Variants in QKI observed in about 807,000 individuals in gnomAD.
The protein encoded by QKI is QKI, KH domain containing RNA binding.
Under a neutral mutation model 39.0 loss-of-function variants are expected in QKI, and 10 were observed. That is an observed-to-expected ratio of 0.26 (90% confidence interval 0.16 to 0.43). QKI has a LOEUF of 0.43. Ranked by LOEUF, QKI falls within the 20% of genes least tolerant of loss-of-function variation. QKI has a pLI of 1.00. For synonymous variants in QKI, 204 were observed against 155.4 expected, an observed-to-expected ratio of 1.31 and a Z score of -2.33; for missense variants, 218 against 428.0, an observed-to-expected ratio of 0.51 and a Z score of 4.33.
intron 2 of QKI, among the ~76,000 whole-genome samples, chr6:163,474,484 A>C (rs1249529990): frequency 6.6e-6 from 1 of 152,172 alleles, no homozygotes; most frequent in African/African-American, 2.4e-5. Context: ...ATAGAAAAAA[A>C]CCCAATTATA....
At chr6:163,547,717 C>T (rs1377110977) in intron 4 of QKI, among the ~76,000 whole-genome samples, 1 of 152,158 alleles carries the variant, frequency 6.6e-6, no homozygotes, top group Non-Finnish European at 1.5e-5. Context: ...CTGGCTCCTT[C>T]CCATCTATAT....
chr6:163,543,047 GC>G (rs1193148833), intron 4 of QKI, among the ~76,000 whole-genome samples: 2 of 152,010 alleles, frequency 1.3e-5, no homozygotes, highest in African/African-American at 2.4e-5. Context: ...TCTGCCATAT[GC>G]ATTTGACTCA....
At chr6:163,465,346 C>A (rs944469695) in intron 2 of QKI, among the ~76,000 whole-genome samples, 1 of 152,016 alleles carries the variant, frequency 6.6e-6, no homozygotes, top group Admixed American at 6.6e-5. Flanking sequence ...GAAATAAAGG[C>A]AGCCAGGAGT....
chr6:163,552,100 C>G (rs116764095), intron 4 of QKI, among the ~76,000 whole-genome samples: 1 of 147,272 alleles, frequency 6.8e-6, no homozygotes, highest in Admixed American at 6.8e-5. Context: ...TGTATTCTTA[C>G]AATAAAATAA....
chr6:163,458,682 G>T lies in QKI; in HGVS notation c.285+3261G>T, dbSNP rs545309590. On this transcript the variant is annotated intron_variant, in intron 2 of 7. Transcript: ENST00000361752. ...CTCAAGGTCTGAGAAATGAAGTAGTGCTATAGTCTGTAGCCCTTTGCAACG... is the reference window on the plus strand; with the variant it reads ...CTCAAGGTCTGAGAAATGAAGTAGTTCTATAGTCTGTAGCCCTTTGCAACG... 2.7e-3 allele frequency among the ~76,000 whole-genome samples: 407 copies of T among 152,206 alleles called. 3 individuals are homozygous for T. The highest frequency in any genetic ancestry group is 9.4e-3 in the African/African-American group (389 of 41,534).
intron 2 of QKI, among the ~76,000 whole-genome samples, chr6:163,460,736 T>G (rs1791289540): frequency 6.6e-6 from 1 of 152,166 alleles, no homozygotes; most frequent in Admixed American, 6.5e-5. Context: ...ATCACGAACT[T>G]CAGGAGTCTT....
chr6:163,484,096 G>T (rs1257327774), intron 3 of QKI, among the ~76,000 whole-genome samples: 1 of 152,114 alleles, frequency 6.6e-6, no homozygotes, highest in African/African-American at 2.4e-5. Flanking sequence ...CTTTTTCTGA[G>T]CAATATGTCT....
At chr6:163,438,337 CTAT>C (rs1157049645) in intron 1 of QKI, among the ~76,000 whole-genome samples, 1 of 151,612 alleles carries the variant, frequency 6.6e-6, no homozygotes, top group Non-Finnish European at 1.5e-5. Flanking sequence ...ATGACCAGTA[CTAT>C]TATTATTTTA....
chr6:163,419,349 G>A (rs1211498995), intron 1 of QKI, among the ~76,000 whole-genome samples: 1 of 151,644 alleles, frequency 6.6e-6, no homozygotes, highest in East Asian at 1.9e-4. Flanking sequence ...CTTGACTTAA[G>A]AATTATATGG....
rs776833454 is a variant in QKI, at chr6:163,415,065, A to C, written c.-129A>C. ...CCCCGGGGCTCGGCGCGGGAGCCAG[A>C]GCGGGAGCCGGCGCGGAGCGGGACG... is the stretch of plus-strand genomic sequence containing the variant. On this transcript the variant is annotated 5_prime_UTR_variant, in exon 1 of 8. Coordinates refer to ENST00000361752, the MANE Select transcript of QKI (RefSeq NM_006775.3). 1.8e-5 allele frequency: 12 copies of C among 656,336 alleles called. No homozygotes were observed. Among genetic ancestry groups the C allele is most frequent in the Non-Finnish European group, 2.2e-5 (12 of 545,586 alleles). 40.7% of individuals were successfully genotyped at this position (656,336 alleles called of 1,614,324 possible).
In QKI at chr6:163,571,231, G is replaced by A. The variant is rs1303715348; in HGVS notation, c.*521G>A. On this transcript the variant is annotated 3_prime_UTR_variant, in exon 8 of 8. Coordinates refer to ENST00000361752, the MANE Select transcript of QKI (RefSeq NM_006775.3). ...TGATTTCAAAAAGTATTCAAAATTT[G>A]ATATGCTGTTTAGTCACTACAGTGC... 6.6e-6 allele frequency: 1 copy of A among 152,220 alleles called. No homozygotes were observed. Among genetic ancestry groups the A allele is most frequent in the Non-Finnish European group, 1.5e-5 (1 of 68,060 alleles). 9.4% of individuals were successfully genotyped at this position (152,220 alleles called of 1,614,324 possible).
intron 2 of QKI, among the ~76,000 whole-genome samples, chr6:163,477,402 C>T (rs755921361): frequency 6.6e-6 from 1 of 152,110 alleles, no homozygotes; most frequent in Non-Finnish European, 1.5e-5. Context: ...AAGCACATAA[C>T]CGTAGTATAC....
At chr6:163,502,512 C>T (rs1034779970) in intron 3 of QKI, among the ~76,000 whole-genome samples, 9 of 151,938 alleles carry the variant, frequency 5.9e-5, no homozygotes, top group African/African-American at 2.2e-4. Context: ...CAACCTGGAC[C>T]AAAATTAAGA....
chr6:163,435,655 G>A (rs1789205769), intron 1 of QKI, among the ~76,000 whole-genome samples: 1 of 152,070 alleles, frequency 6.6e-6, no homozygotes, highest in African/African-American at 2.4e-5. Flanking sequence ...TTAAAATTTT[G>A]CTGGTTTTTA....
At chr6:163,494,707 T>C (rs1778293125) in intron 3 of QKI, among the ~76,000 whole-genome samples, 1 of 151,934 alleles carries the variant, frequency 6.6e-6, no homozygotes, top group South Asian at 2.1e-4. Flanking sequence ...GTTTTTTGAC[T>C]GTTTATTATG....
intron 1 of QKI, among the ~76,000 whole-genome samples, chr6:163,430,112 G>A (rs2128210621): frequency 6.6e-6 from 1 of 152,278 alleles, no homozygotes; most frequent in South Asian, 2.1e-4. Context: ...GTTCTTGAAT[G>A]TGGGAACATT....
rs567212558 is a variant in QKI, at chr6:163,577,622, T to C, written c.*6912T>C. ...GTCTCTAGTGTCACACTTGGGCTGT[T>C]GATTTTCTTACTCTTCTCTTGCTTT... On this transcript the variant is annotated 3_prime_UTR_variant, in exon 8 of 8. Coordinates refer to ENST00000361752, the MANE Select transcript of QKI (RefSeq NM_006775.3). 1 of 152,774 alleles carries C rather than the reference T, an allele frequency of 6.5e-6. No individual in the cohort carries two copies. The highest frequency in any genetic ancestry group is 1.9e-4 in the East Asian group (1 of 5,176). The allele number at this position is 152,774 out of a possible 1,614,324, so 9.5% of individuals were successfully genotyped here.
intron 1 of QKI, among the ~76,000 whole-genome samples, chr6:163,423,930 C>T (rs1788202239): frequency 6.6e-6 from 1 of 152,174 alleles, no homozygotes; most frequent in African/African-American, 2.4e-5. Context: ...TTAGATCAGC[C>T]TGGGGTAAAC....
At chr6:163,504,873 CCTCTT>C (rs1350311999) in intron 3 of QKI, among the ~76,000 whole-genome samples, 17 of 152,034 alleles carry the variant, frequency 1.1e-4, no homozygotes, top group Non-Finnish European at 2.4e-4. Context: ...GGGACTTGCT[CCTCTT>C]CTTTTTAAAA....
Sources: gnomAD v4.1 joint callset for allele counts (sites outside exome capture counted in the v4.1 genomes callset) on GRCh38, gnomAD v4.1.1 for gene constraint, MANE v1.5 for transcripts, NCBI Gene and HGNC (gene_info 2026-07-23, HGNC 2026-07-21) for gene names.